Variants in SMIM9 observed in about 807,000 individuals in gnomAD.
The protein encoded by SMIM9 is chromosome X open reading frame 68.
SMIM9 carries 8 observed loss-of-function variants against 7.2 expected under a neutral mutation model. That is an observed-to-expected ratio of 1.10 (90% CI 0.65 to 1.99). The LOEUF is 1.99. SMIM9 is among the 30% of genes most tolerant of loss of function. SMIM9 has a pLI of 0.00. For synonymous variants in SMIM9, 19 were observed against 26.4 expected, an observed-to-expected ratio of 0.72 and a Z score of 0.86; for missense variants, 76 against 69.3, an observed-to-expected ratio of 1.10 and a Z score of -0.34.
chrX:154,831,582 C>T (rs1403296050), intron 2 of SMIM9, among the ~76,000 whole-genome samples: 30 of 111,236 alleles, frequency 2.7e-4, no homozygotes, highest in Non-Finnish European at 1.9e-5. Context: ...TTTCTGCTTC[C>T]GTCCTTGCCT....
Position 154,823,522 on chromosome X carries a change from T to G in SMIM9, c.*233A>C, listed in dbSNP as rs1186845418. On this transcript the variant is annotated 3_prime_UTR_variant, in exon 5 of 5. Transcript: ENST00000369529. ...TACTCTTTTCTCTGTATTTCTCAAA[T>G]TTTTTTTGCAATAAATATGTATTAC... The G allele has an allele frequency of 3.6e-6, 1 of 280,090 alleles. No individual in the cohort carries two copies. Among genetic ancestry groups the G allele is most frequent in the South Asian group, 1.8e-4 (1 of 5,488 alleles). 23.1% of individuals were successfully genotyped at this position (280,090 alleles called of 1,213,427 possible).
intron 3 of SMIM9, 35 bp downstream of exon 3, chrX:154,830,680 G>T (rs2072441354): frequency 8.6e-7 from 1 of 1,156,946 alleles, no homozygotes; most frequent in Admixed American, 2.7e-5. Context: ...TAAGTCCTAT[G>T]AAGAAAGAAA....
At chrX:154,833,543 T>G (rs1258932139) in intron 1 of SMIM9, among the ~76,000 whole-genome samples, 2 of 111,562 alleles carry the variant, frequency 1.8e-5, no homozygotes, top group Non-Finnish European at 3.8e-5. Context: ...TAGCCTGGCT[T>G]GAGCCTGGGA....
In SMIM9 at chrX:154,825,253, G is replaced by A. The variant is rs5945248; in HGVS notation, c.273-1471C>T. ...AAATACAAAAATCAGCTGGCTGGGCGTGGTGACGCGTGCCTGTAATCCCAG... is the reference window on the plus strand; with the variant it reads ...AAATACAAAAATCAGCTGGCTGGGCATGGTGACGCGTGCCTGTAATCCCAG... On this transcript the variant is annotated intron_variant, in intron 4 of 4. Coordinates refer to ENST00000369529, the MANE Select transcript of SMIM9 (RefSeq NM_001162936.4). 8.8e-3 allele frequency among the ~76,000 whole-genome samples: 977 copies of A among 110,891 alleles called. 13 individuals are homozygous for A. The highest frequency in any genetic ancestry group is 0.031 in the African/African-American group (933 of 30,495).
intron 4 of SMIM9, 65 bp from the exon 5 acceptor site, chrX:154,823,847 T>C: frequency 2.9e-6 from 3 of 1,041,211 alleles, no homozygotes; most frequent in Non-Finnish European, 3.8e-6. Context: ...TATAACCTTT[T>C]CAAAGATTGG....
At chrX:154,823,805 TG>T (rs2072407079) in intron 4 of SMIM9, 23 bp from the exon 5 acceptor site, 1 of 1,153,628 alleles carries the variant, frequency 8.7e-7, no homozygotes, top group Non-Finnish European at 1.2e-6. Context: ...GATAAAATGG[TG>T]AATGCTCTGC....
At chrX:154,825,837 A>G (rs1171436618) in intron 4 of SMIM9, among the ~76,000 whole-genome samples, 2 of 105,967 alleles carry the variant, frequency 1.9e-5, no homozygotes, top group South Asian at 4.4e-4. Flanking sequence ...ACCAAACACC[A>G]CATGTTCTCA....
intron 4 of SMIM9, 103 bp from the exon 5 acceptor site, chrX:154,823,885 G>T: frequency 1.4e-6 from 1 of 732,196 alleles, no homozygotes. Context: ...CTCTTAATAT[G>T]AACCAAATAA....
In SMIM9 at chrX:154,830,661, C is replaced by T. The variant is rs1261426559; in HGVS notation, c.142+54G>A. ...TCATTTTACCTGACCTGAACTGAAA[C>T]ATGAATCTTAAGTCCTATGAAGAAA... is the stretch of plus-strand genomic sequence containing the variant. On this transcript the variant is annotated intron_variant, in intron 3 of 4. Coordinates refer to ENST00000369529, the MANE Select transcript of SMIM9 (RefSeq NM_001162936.4). 33 of 1,131,729 alleles carry T rather than the reference C, an allele frequency of 2.9e-5. 2 individuals carry two copies. The highest frequency in any genetic ancestry group is 3.3e-5 in the Non-Finnish European group (28 of 850,023). The allele number at this position is 1,131,729 out of a possible 1,213,427, so 93.3% of individuals were successfully genotyped here. A position where few individuals can be genotyped will look rare whatever the true frequency, so the allele number is the denominator to read the frequency against.
intron 4 of SMIM9, among the ~76,000 whole-genome samples, chrX:154,825,263 G>A (rs188000243): frequency 1.8e-4 from 20 of 110,338 alleles, no homozygotes; most frequent in Admixed American, 1.5e-3. Context: ...GTGGTGACGC[G>A]TGCCTGTAAT....
At chrX:154,824,355 C>CAAAAAAAAAAAAAAAAAAA (rs375492512) in intron 4 of SMIM9, among the ~76,000 whole-genome samples, 4 of 42,434 alleles carry the variant, frequency 9.4e-5, no homozygotes, top group East Asian at 8.1e-4. Flanking sequence ...GACTCCGTCT[C>CAAAAAAAAAAAAAAAAAAA]AAAAAAAAAA....
intron 1 of SMIM9, among the ~76,000 whole-genome samples, chrX:154,834,051 T>G (rs1041829479): frequency 2.7e-5 from 3 of 112,248 alleles, no homozygotes; most frequent in Non-Finnish European, 3.8e-5. Flanking sequence ...ATCTAGGTTG[T>G]GACCCGAAAC....
chrX:154,823,753 C>T lies in SMIM9; in HGVS notation c.*2G>A. 2.6e-6 allele frequency: 3 copies of T among 1,162,983 alleles called. No individual in the cohort carries two copies. The highest frequency in any genetic ancestry group is 3.4e-6 in the Non-Finnish European group (3 of 870,984). ...ACTTGCCCTGTTGAATCTTCTAGTT[C>T]TTCAGTGGACTGGATCAACTACAAG... On this transcript the variant is annotated 3_prime_UTR_variant, in exon 5 of 5. Coordinates refer to ENST00000369529, the MANE Select transcript of SMIM9 (RefSeq NM_001162936.4).
At chrX:154,824,274 G>A (rs1305289828) in intron 4 of SMIM9, among the ~76,000 whole-genome samples, 3 of 102,191 alleles carry the variant, frequency 2.9e-5, no homozygotes, top group Admixed American at 1.1e-4. Context: ...GGAGAATGGC[G>A]TGAACCCGGA....
intron 4 of SMIM9, among the ~76,000 whole-genome samples, chrX:154,824,217 C>T (rs962183115): frequency 6.4e-5 from 7 of 108,876 alleles, no homozygotes; most frequent in Middle Eastern, 4.3e-3. Context: ...ATTAGCCTGG[C>T]GTGGTGGCGG....
At chrX:154,829,714 G>C in intron 3 of SMIM9, 50 bp from the exon 4 acceptor site, 1 of 1,136,897 alleles carries the variant, frequency 8.8e-7, no homozygotes, top group Non-Finnish European at 1.2e-6. Context: ...GTAAATGATA[G>C]GGCTGGCGTT....
chrX:154,829,514 C>A, intron 4 of SMIM9, 21 bp downstream of exon 4: 1 of 1,165,821 alleles, frequency 8.6e-7, no homozygotes, highest in Non-Finnish European at 1.1e-6. Flanking sequence ...CTCCCTGTCT[C>A]TTCTTCCCAC....
rs781975092 is a variant in SMIM9, at chrX:154,834,154, G to A, written c.-210+409C>T. 8.0e-5 allele frequency among the ~76,000 whole-genome samples: 9 copies of A among 112,662 alleles called. No individual in the cohort carries two copies. In the South Asian group the frequency reaches 3.3e-3, roughly 41 times the overall value. On this transcript the variant is annotated intron_variant, in intron 1 of 4. Coordinates refer to ENST00000369529, the MANE Select transcript of SMIM9 (RefSeq NM_001162936.4). ...GACCTTTCTGTGGAAGGAAAGGTGAGGTGAAGTGGAGAAAGCAAGTATACA... is the reference window on the plus strand; with the variant it reads ...GACCTTTCTGTGGAAGGAAAGGTGAAGTGAAGTGGAGAAAGCAAGTATACA...
At chrX:154,827,181 C>A (rs1557270287) in intron 4 of SMIM9, among the ~76,000 whole-genome samples, 1 of 112,447 alleles carries the variant, frequency 8.9e-6, no homozygotes, top group Non-Finnish European at 1.9e-5. Flanking sequence ...ATTAATTAAC[C>A]AATACTTCAG....
Sources: gnomAD v4.1 joint callset for allele counts (sites outside exome capture counted in the v4.1 genomes callset) on GRCh38, gnomAD v4.1.1 for gene constraint, MANE v1.5 for transcripts, NCBI Gene and HGNC (gene_info 2026-07-23, HGNC 2026-07-21) for gene names.